The following VRK2 variants were observed in gnomAD, a reference collection of about 807,000 sequenced individuals.
VRK2 encodes the protein VRK serine/threonine kinase 2.
VRK2 carries 60 observed loss-of-function variants against 57.6 expected under a neutral mutation model. The ratio of observed to expected loss-of-function variants is 1.04; its 90% CI spans 0.85 to 1.29. The LOEUF is 1.29. Among genes scored for constraint, VRK2 ranks in the 50% most tolerant of loss-of-function variants. The pLI, the probability that VRK2 is intolerant of heterozygous loss-of-function variation, is 0.00. For synonymous variants in VRK2, 231 were observed against 199.2 expected (o/e 1.16, Z -1.35); for missense variants, 705 against 588.1 (o/e 1.20, Z -2.06).
At chr2:57,979,035 T>C (rs774062209) in intron 1 of VRK2, among the ~76,000 whole-genome samples, 5 of 151,232 alleles carry the variant, frequency 3.3e-5, no homozygotes, top group Non-Finnish European at 7.4e-5. Flanking sequence ...ATGTGGTATA[T>C]GTACCATGTT....
At position 58,159,357 on chromosome 2, in the gene VRK2, AAGG is replaced by A. The variant is rs1443972326; in HGVS notation, c.1194_1196del (p.Arg400del). Reference sequence around the variant, plus strand: ...ATGTATTTTTTCCATAGGAAAGCACAAGGAGAAGACAGAAATATCAAGAGTCTC... The same window carrying A: ...ATGTATTTTTTCCATAGGAAAGCACAAGAAGACAGAAATATCAAGAGTCTC... On this transcript the variant is annotated inframe_deletion, in exon 13 of 13. Transcript: ENST00000340157. 2.5e-6 allele frequency: 4 copies of A among 1,602,364 alleles called. No homozygotes were observed. The highest frequency in any genetic ancestry group is 3.4e-6 in the Non-Finnish European group (4 of 1,176,038).
intron 7 of VRK2, among the ~76,000 whole-genome samples, chr2:58,111,183 C>G (rs1675513562): frequency 6.6e-6 from 1 of 152,064 alleles, no homozygotes; most frequent in Non-Finnish European, 1.5e-5. Flanking sequence ...GACAGGCTGG[C>G]CTTAGTGAGT....
At chr2:58,095,264 A>G (rs1336103963) in intron 7 of VRK2, among the ~76,000 whole-genome samples, 1 of 149,964 alleles carries the variant, frequency 6.7e-6, no homozygotes, top group Non-Finnish European at 1.5e-5. Context: ...ACTGCACTCC[A>G]GCCTGGGTGA....
At chr2:58,115,258 CAGTCATGGGGGT>C (rs1553412355) in intron 7 of VRK2, among the ~76,000 whole-genome samples, 28 of 151,972 alleles carry the variant, frequency 1.8e-4, no homozygotes, top group Non-Finnish European at 3.7e-4. Flanking sequence ...CAGAGAGATA[CAGTCATGGGGGT>C]CAGGTGTGGT....
intron 12 of VRK2, among the ~76,000 whole-genome samples, chr2:58,149,778 T>G (rs1682713092): frequency 6.6e-6 from 1 of 151,634 alleles, no homozygotes. Flanking sequence ...GATGATCACA[T>G]GATTTTTTCC....
chr2:58,048,455 C>A (rs2103769291), intron 1 of VRK2: 1 of 820,592 alleles, frequency 1.2e-6, no homozygotes, highest in Non-Finnish European at 1.7e-6. Flanking sequence ...TTCTCAGTGA[C>A]AGCAATATTT....
chr2:57,919,626 C>T (rs886555117), intron 1 of VRK2, among the ~76,000 whole-genome samples: 2 of 152,052 alleles, frequency 1.3e-5, no homozygotes, highest in African/African-American at 4.8e-5. Flanking sequence ...CAGTAACATA[C>T]AAATGTCTGT....
chr2:57,958,470 TAC>T (rs971956378), intron 1 of VRK2, among the ~76,000 whole-genome samples: 10 of 151,428 alleles, frequency 6.6e-5, no homozygotes, highest in Non-Finnish European at 1.2e-4. Flanking sequence ...CATGTATATA[TAC>T]ACACACACAT....
chr2:58,069,136 T>C (rs1669042093), intron 2 of VRK2, among the ~76,000 whole-genome samples: 1 of 152,220 alleles, frequency 6.6e-6, no homozygotes, highest in African/African-American at 2.4e-5. Context: ...TTGGGTCTCT[T>C]ATTTCTAACA....
chr2:57,947,541 T>C (rs975953731), intron 1 of VRK2, among the ~76,000 whole-genome samples: 1 of 152,190 alleles, frequency 6.6e-6, no homozygotes, highest in African/African-American at 2.4e-5. Context: ...TTTCATTTAT[T>C]AATTACTCAT....
rs543961050 is a variant in VRK2, at chr2:58,078,801, G to A, written c.137-5288G>A. Among the ~76,000 whole-genome samples, 176 of 152,162 alleles carry A rather than the reference G, an allele frequency of 1.2e-3. 1 individual carries two copies. Among genetic ancestry groups the A allele is most frequent in the African/African-American group, 4.0e-3 (166 of 41,532 alleles). On this transcript the variant is annotated intron_variant, in intron 2 of 12. Transcript: ENST00000340157. ...GTTTTCATATGCAAGTTGGCCACTC[G>A]TATGTATCTTTAGAGAAATAGCTGT...
At chr2:58,091,010 T>A (rs1046125899) in intron 7 of VRK2, among the ~76,000 whole-genome samples, 5 of 152,200 alleles carry the variant, frequency 3.3e-5, no homozygotes, top group Non-Finnish European at 5.9e-5. Context: ...GGCAAAACTA[T>A]AGAGACAGTA....
chr2:57,970,271 G>T (rs2312146), intron 1 of VRK2, among the ~76,000 whole-genome samples: 2,323 of 150,164 alleles, frequency 0.015, 91 homozygotes, highest in African/African-American at 0.054. Context: ...TGAGACTATT[G>T]TATGTTTTCC....
chr2:58,028,895 AATAAATAAATATATAT>A (rs1240681873), intron 2 of VRK2, among the ~76,000 whole-genome samples: 16 of 57,310 alleles, frequency 2.8e-4, no homozygotes, highest in African/African-American at 9.9e-4. Context: ...TAAATAAATA[AATAAATAAATATATAT>A]ATATATATAT....
At chr2:57,972,279 A>T (rs954074799) in intron 1 of VRK2, among the ~76,000 whole-genome samples, 1 of 151,668 alleles carries the variant, frequency 6.6e-6, no homozygotes, top group Non-Finnish European at 1.5e-5. Flanking sequence ...ATATATTATG[A>T]CATAATATTG....
intron 7 of VRK2, among the ~76,000 whole-genome samples, chr2:58,095,457 A>G (rs17049332): frequency 0.019 from 2,900 of 152,222 alleles, 109 homozygotes; most frequent in African/African-American, 0.067. Context: ...CATTAGGATT[A>G]TTTTAAAGCT....
chr2:58,013,981 A>G lies in VRK2; in HGVS notation c.-438-11684A>G, dbSNP rs376088421. On this transcript the variant is annotated intron_variant, in intron 1 of 15. Coordinates refer to the VRK2 transcript ENST00000417641. ...TAATTTACTCAAATTTGCTTATGCT[A>G]TAGGGTAATACTTTCATAATACTTT... 6.6e-5 allele frequency among the ~76,000 whole-genome samples: 10 copies of G among 152,184 alleles called. No homozygotes were observed. The East Asian group carries it at 1.5e-3, about 23-fold the overall frequency.
chr2:58,130,855 C>T (rs557722198), intron 8 of VRK2, among the ~76,000 whole-genome samples: 66 of 152,030 alleles, frequency 4.3e-4, no homozygotes, highest in Non-Finnish European at 7.6e-4. Flanking sequence ...GTTTATTTTA[C>T]GGGTATTTGC....
intron 7 of VRK2, among the ~76,000 whole-genome samples, chr2:58,105,950 A>ACATTT (rs1674687781): frequency 6.6e-6 from 1 of 151,932 alleles, no homozygotes; most frequent in African/African-American, 2.4e-5. Flanking sequence ...ATATCAGCTA[A>ACATTT]CATTTTGTGA....
Sources: gnomAD v4.1 joint callset for allele counts (sites outside exome capture counted in the v4.1 genomes callset) on GRCh38, gnomAD v4.1.1 for gene constraint, MANE v1.5 for transcripts, NCBI Gene and HGNC (gene_info 2026-07-23, HGNC 2026-07-21) for gene names.